Variants in GARRE1 observed in about 807,000 individuals in gnomAD.
GARRE1 encodes the protein granule associated Rac and RHOG effector protein 1.
A neutral mutation model predicts 103.2 loss-of-function variants in GARRE1; 49 were observed. The observed-to-expected ratio is 0.47, with a 90% CI of 0.38 to 0.60. GARRE1 has a LOEUF of 0.60. GARRE1 is among the 20% of genes least tolerant of loss of function. The probability of loss-of-function intolerance (pLI) is 0.00; values close to 1 mark genes in which losing one functional copy is unlikely to be tolerated. For missense variants in GARRE1, 1,199 were observed against 1,370.5 expected, an observed-to-expected ratio of 0.87 and a Z score of 1.98; for synonymous variants, 505 against 532.8, an observed-to-expected ratio of 0.95 and a Z score of 0.72.
In GARRE1 at chr19:34,352,819, G is replaced by T. The variant is rs1384693672; in HGVS notation, c.3077G>T (p.Cys1026Phe). The T allele has an allele frequency of 6.2e-6, 10 of 1,613,360 alleles. No individual in the cohort carries two copies. The highest frequency in any genetic ancestry group is 8.5e-6 in the Non-Finnish European group (10 of 1,179,704). Residue 1026 changes from cysteine (C) to phenylalanine (F), a missense_variant, in exon 14 of 14, where the codon TGC becomes TTC. Physicochemically the swap from Cys to Phe is radical, Grantham distance 205. Transcript: ENST00000299505. ...CCAGTGTGGGCCGCAACCAACGACTGCAGTGCCGCTGCCTTCTCCTATGTG... is the reference window on the plus strand; with the variant it reads ...CCAGTGTGGGCCGCAACCAACGACTTCAGTGCCGCTGCCTTCTCCTATGTG... ...QSPVWAATNDCSAAAFSYVQT... is the reference protein window; with the variant it reads ...QSPVWAATNDFSAAAFSYVQT...
Position 34,353,027 on chromosome 19 carries a change from A to G in GARRE1, c.*72A>G. ...CTGTGGGGATGAGTGTCCCCACCCCAGGGCCACTTAGCTGACACCAGCCCC... is the reference window on the plus strand; with the variant it reads ...CTGTGGGGATGAGTGTCCCCACCCCGGGGCCACTTAGCTGACACCAGCCCC... On this transcript the variant is annotated 3_prime_UTR_variant, in exon 14 of 14. Coordinates refer to ENST00000299505, the MANE Select transcript of GARRE1 (RefSeq NM_014686.5). The G allele has an allele frequency of 7.4e-7, 1 of 1,350,074 alleles. No homozygotes were observed. The highest frequency in any genetic ancestry group is 2.5e-5 in the East Asian group (1 of 39,560). The allele number at this position is 1,350,074 out of a possible 1,614,324, so 83.6% of individuals were successfully genotyped here.
Position 34,333,757 on chromosome 19 carries a change from C to G in GARRE1, c.1317C>G (p.Ile439Met). ...ATAAAGAAGCCTATGCCCCCCAGAT[C>G]AGTTTAGAAGGCTCTAGAATCGTGG... ...IENKEAYAPQISLEGSRIVVQ... is the reference protein window; with the variant it reads ...IENKEAYAPQMSLEGSRIVVQ... Residue 439 changes from isoleucine (I) to methionine (M), a missense_variant, in exon 8 of 14, where the codon ATC becomes ATG. Coordinates refer to ENST00000299505, the MANE Select transcript of GARRE1 (RefSeq NM_014686.5). The G allele has an allele frequency of 7.7e-6, 12 of 1,563,344 alleles. No homozygotes were observed. Among genetic ancestry groups the G allele is most frequent in the South Asian group, 1.1e-5 (1 of 90,040 alleles).
intron 1 of GARRE1, among the ~76,000 whole-genome samples, chr19:34,288,224 G>T (rs563690825): frequency 1.3e-5 from 2 of 152,174 alleles, no homozygotes; most frequent in Non-Finnish European, 2.9e-5. Flanking sequence ...CGTGGGGAGT[G>T]TAGAAAGCAG....
chr19:34,330,159 G>A (rs746035435), intron 6 of GARRE1, 30 bp from the exon 7 acceptor site: 4 of 1,601,522 alleles, frequency 2.5e-6, no homozygotes, highest in African/African-American at 2.7e-5. Context: ...TTTGTCTTGA[G>A]GTGTGAACTC....
intron 2 of GARRE1, 100 bp from the exon 3 acceptor site, chr19:34,319,807 G>T (rs1311644849): frequency 1.5e-5 from 15 of 985,062 alleles, no homozygotes; most frequent in Admixed American, 3.7e-5. Context: ...TGGATTTCCA[G>T]TTAACTATTG....
chr19:34,257,840 T>C lies in GARRE1; in HGVS notation c.-796+3226T>C, dbSNP rs193225355. On this transcript the variant is annotated intron_variant, in intron 1 of 13. Transcript: ENST00000299505. ...TTTGGCATGGTGAGCTATTCTTTCT[T>C]GCTCTCGTGAATCTCCCATTGATTG... Among the ~76,000 whole-genome samples, 33 of 152,250 alleles carry C rather than the reference T, an allele frequency of 2.2e-4. 1 individual carries two copies. Among genetic ancestry groups the C allele is most frequent in the Admixed American group, 2.6e-4 (4 of 15,290 alleles).
chr19:34,257,974 CTG>C (rs750038613), intron 1 of GARRE1, among the ~76,000 whole-genome samples: 12 of 150,934 alleles, frequency 8.0e-5, no homozygotes, highest in Non-Finnish European at 1.8e-4. Flanking sequence ...ACTGCAACCT[CTG>C]GCTCCAGGGT....
At chr19:34,309,289 A>ATTT (rs2074026147) in intron 2 of GARRE1, among the ~76,000 whole-genome samples, 1 of 152,334 alleles carries the variant, frequency 6.6e-6, no homozygotes, top group East Asian at 1.9e-4. Flanking sequence ...ACTGTTCTAG[A>ATTT]TTAAAAGAGT....
intron 2 of GARRE1, among the ~76,000 whole-genome samples, chr19:34,301,928 C>G (rs1328248243): frequency 6.7e-6 from 1 of 150,106 alleles, no homozygotes; most frequent in Non-Finnish European, 1.5e-5. Context: ...TGTGATCTGC[C>G]CGCCTTGGTC....
At chr19:34,335,047 A>G (rs995419192) in intron 8 of GARRE1, among the ~76,000 whole-genome samples, 9 of 146,256 alleles carry the variant, frequency 6.2e-5, no homozygotes, top group South Asian at 2.2e-4. Flanking sequence ...CGTCTCCAAG[A>G]AAAAAAAAAA....
At position 34,349,073 on chromosome 19, in the gene GARRE1, T is replaced by C; in HGVS notation, c.2745T>C (p.Asp915=). The C allele has an allele frequency of 6.2e-7, 1 of 1,612,856 alleles. No individual in the cohort carries two copies. Residue 915 remains aspartate (D), a synonymous_variant, in exon 12 of 14, where the codon GAT becomes GAC. Coordinates refer to ENST00000299505, the MANE Select transcript of GARRE1 (RefSeq NM_014686.5). ...GAQGDSASSS[D]ETSSANGDSL... ...AGGGAGACTCTGCCAGCTCGAGTGA[T>C]GAGACATCCTCAGCCAACGGGGACA...
rs574492568 is a variant in GARRE1, at chr19:34,269,468, G to A, written c.-796+14854G>A. Among the ~76,000 whole-genome samples the A allele has an allele frequency of 5.9e-5, 9 of 152,302 alleles. No homozygotes were observed. The South Asian group carries it at 6.2e-4, about 11-fold the overall frequency. ...TTTCCTATCCGCCTGAGTTTTCATA[G>A]CTCAGTATAGGATAACATGGGCTTC... is the stretch of plus-strand genomic sequence containing the variant. On this transcript the variant is annotated intron_variant, in intron 1 of 13. Transcript: ENST00000299505.
At chr19:34,254,652 C>G (rs1288038152) in intron 1 of GARRE1, 38 bp downstream of exon 1, 1 of 49,640 alleles carries the variant, frequency 2.0e-5, no homozygotes, top group African/African-American at 7.3e-5. Flanking sequence ...CGGGGGCTGG[C>G]GGGCGGGGTC....
At chr19:34,341,163 C>T (rs894235220) in intron 9 of GARRE1, among the ~76,000 whole-genome samples, 1 of 152,158 alleles carries the variant, frequency 6.6e-6, no homozygotes, top group African/African-American at 2.4e-5. Context: ...CTTTCCCCTC[C>T]TGTGCCACCA....
At chr19:34,267,585 G>C (rs1416280958) in intron 1 of GARRE1, among the ~76,000 whole-genome samples, 1 of 152,066 alleles carries the variant, frequency 6.6e-6, no homozygotes, top group Non-Finnish European at 1.5e-5. Context: ...CTTTCTAATG[G>C]ACACAATTAG....
At chr19:34,347,220 C>T (rs2074215537) in intron 10 of GARRE1, among the ~76,000 whole-genome samples, 1 of 152,060 alleles carries the variant, frequency 6.6e-6, no homozygotes, top group South Asian at 2.1e-4. Context: ...TCCCGAGTAG[C>T]TGGGATTACA....
At chr19:34,322,265 A>C (rs895052611) in intron 3 of GARRE1, among the ~76,000 whole-genome samples, 1 of 151,994 alleles carries the variant, frequency 6.6e-6, no homozygotes, top group Non-Finnish European at 1.5e-5. Context: ...TCTGCCTCCC[A>C]GATTCAAGCC....
In GARRE1 at chr19:34,271,401, A is replaced by C. The variant is rs371150224; in HGVS notation, c.-796+16787A>C. The stretch of plus-strand genomic sequence containing the variant: ...GTAGCTGGGACTACAGGTGTGTGCC[A>C]CCACACCCAACTAACTTTTTGTATT... On this transcript the variant is annotated intron_variant, in intron 1 of 13. Coordinates refer to ENST00000299505, the MANE Select transcript of GARRE1 (RefSeq NM_014686.5). 8.9e-4 allele frequency among the ~76,000 whole-genome samples: 136 copies of C among 151,958 alleles called. 4 individuals are homozygous for C. The South Asian group carries it at 0.028, about 31-fold the overall frequency.
At position 34,300,352 on chromosome 19, in the gene GARRE1, A is replaced by T; in HGVS notation, c.-122A>T. ...ATCACATGGTCACCTGCCTCATGGA[A>T]ATGCCTTTTTTAAAACTTCGATTTG... On this transcript the variant is annotated 5_prime_UTR_variant, in exon 2 of 14. Transcript: ENST00000299505. 8.8e-7 allele frequency: 1 copy of T among 1,132,158 alleles called. No individual in the cohort carries two copies. The highest frequency in any genetic ancestry group is 1.2e-6 in the Non-Finnish European group (1 of 805,330). The allele number at this position is 1,132,158 out of a possible 1,614,324, so 70.1% of individuals were successfully genotyped here. A position where few individuals can be genotyped will look rare whatever the true frequency, so the allele number is the denominator to read the frequency against.
Sources: allele counts gnomAD v4.1 joint callset (sites outside exome capture counted in the v4.1 genomes callset), GRCh38; gene constraint gnomAD v4.1.1; transcripts MANE v1.5; gene names NCBI Gene and HGNC (gene_info 2026-07-23, HGNC 2026-07-21).